The following FBL variants were observed in gnomAD, a reference collection of about 807,000 sequenced individuals.
FBL encodes rRNA 2'-O-methyltransferase fibrillarin.
Under a neutral mutation model 42.2 loss-of-function variants are expected in FBL, and 10 were observed. The ratio of observed to expected loss-of-function variants is 0.24; its 90% confidence interval spans 0.15 to 0.40. FBL has a LOEUF of 0.40. Among genes scored for constraint, FBL ranks in the 10% least tolerant of loss-of-function variants. The pLI, the probability that FBL is intolerant of heterozygous loss-of-function variation, is 1.00. For missense variants in FBL, 351 were observed against 439.2 expected (o/e 0.80, Z 1.79); for synonymous variants, 165 against 165.4 (o/e 1.00, Z 0.02).
At position 39,842,126 on chromosome 19, in the gene FBL, C is replaced by T. The variant is rs144191194; in HGVS notation, c.11-1339G>A. On this transcript the variant is annotated intron_variant, in intron 1 of 8. Coordinates refer to ENST00000221801, the MANE Select transcript of FBL (RefSeq NM_001436.4). ...TTTGAGACGGAGTCTCACTCTGTCA[C>T]CCAGGCTGGAGTGCAGTGACACGAT... Among the ~76,000 whole-genome samples the T allele has an allele frequency of 9.8e-3, 1,485 of 151,212 alleles. 27 individuals are homozygous for T. The highest frequency in any genetic ancestry group is 0.034 in the African/African-American group (1,393 of 41,090).
At position 39,838,797 on chromosome 19, in the gene FBL, G is replaced by A. The variant is rs530737739; in HGVS notation, c.549+238C>T. ...TAGTCTGGTATCTATACTCCCCGTT[G>A]TCTCTCTAAGGTTGGTCACCCCACA... is the stretch of plus-strand genomic sequence containing the variant. On this transcript the variant is annotated intron_variant, in intron 5 of 8. Transcript: ENST00000221801. 228 of 440,788 alleles carry A rather than the reference G, an allele frequency of 5.2e-4. 2 individuals are homozygous for A. Among genetic ancestry groups the A allele is most frequent in the Middle Eastern group, 1.2e-3 (2 of 1,736 alleles). 27.3% of individuals were successfully genotyped at this position (440,788 alleles called of 1,614,324 possible). A position where few individuals can be genotyped will look rare whatever the true frequency, so the allele number is the denominator to read the frequency against.
At position 39,837,850 on chromosome 19, in the gene FBL, T is replaced by TC; in HGVS notation, c.550-8_550-7insG. 6.2e-7 allele frequency: 1 copy of TC among 1,613,034 alleles called. No individual in the cohort carries two copies. Among genetic ancestry groups the TC allele is most frequent in the East Asian group, 2.2e-5 (1 of 44,726 alleles). On this transcript the variant is annotated splice_polypyrimidine_tract_variant and splice_region_variant and intron_variant, in intron 5 of 8. Transcript: ENST00000221801. ...CTGCATAGACTAGACCATCCTAAAA[T>TC]AAATTAAAAATTAATGAACAGTGAT...
rs1449458954 is a variant in FBL at position 39,840,027 on chromosome 19, C to T, written c.378+206G>A. Among the ~76,000 whole-genome samples the T allele has an allele frequency of 6.6e-6, 1 of 152,102 alleles. No homozygotes were observed. Among genetic ancestry groups the T allele is most frequent in the African/African-American group, 2.4e-5 (1 of 41,402 alleles). On this transcript the variant is annotated intron_variant, in intron 4 of 8. Transcript: ENST00000221801. This position sits in a 1 kb window ranked among gnomAD's most constrained non-coding sequence, Gnocchi z 4.5. ...GAGGGGGAACTGGAATGCACAGGGTCTTGGAGGCCTGAGTGAAGACTCAGG... is the reference window on the plus strand; with the variant it reads ...GAGGGGGAACTGGAATGCACAGGGTTTTGGAGGCCTGAGTGAAGACTCAGG...
intron 5 of FBL, 126 bp downstream of exon 5, chr19:39,838,907 GCA>G (rs1294515913): frequency 1.1e-5 from 9 of 800,394 alleles, no homozygotes; most frequent in South Asian, 1.0e-4. Context: ...TTACTCACAG[GCA>G]CAGTGACAGA....
chr19:39,846,335 G>T lies in FBL; in HGVS notation c.-35C>A. ...TGGTTTGTGCGGCTCCGGAGTCCGC[G>T]GCGTTCACAACTCCACGAGTCCGGG... On this transcript the variant is annotated 5_prime_UTR_variant, in exon 1 of 9. Transcript: ENST00000221801. The T allele has an allele frequency of 1.2e-6, 2 of 1,612,298 alleles. No individual in the cohort carries two copies. Among genetic ancestry groups the T allele is most frequent in the East Asian group, 2.2e-5 (1 of 44,758 alleles).
chr19:39,839,228 A>C (rs1301864911), intron 4 of FBL, 23 bp from the exon 5 acceptor site: 1 of 1,594,066 alleles, frequency 6.3e-7, no homozygotes. Context: ...TGGGGACAGA[A>C]GTCAGTGCTA....
chr19:39,837,911 C>T, intron 5 of FBL, 68 bp from the exon 6 acceptor site: 1 of 1,360,418 alleles, frequency 7.4e-7, no homozygotes, highest in Non-Finnish European at 1.0e-6. Context: ...ACTTTAGGCC[C>T]ATACACTATA....
At chr19:39,844,750 C>A (rs1969228036) in intron 1 of FBL, among the ~76,000 whole-genome samples, 2 of 152,292 alleles carry the variant, frequency 1.3e-5, no homozygotes, top group South Asian at 4.1e-4. Context: ...ACTTTTGCCA[C>A]CCTGAGGTCT....
At position 39,838,994 on chromosome 19, in the gene FBL, C is replaced by A; in HGVS notation, c.549+41G>T. The A allele has an allele frequency of 3.2e-6, 5 of 1,555,652 alleles. No homozygotes were observed. In the Admixed American group the frequency reaches 7.3e-5, roughly 23 times the overall value. ...ATATTCCAGGTTGGCAGAAGGGAGGCAGCCTTTACCTCCTGCCTGACTCTC... is the reference window on the plus strand; with the variant it reads ...ATATTCCAGGTTGGCAGAAGGGAGGAAGCCTTTACCTCCTGCCTGACTCTC... On this transcript the variant is annotated intron_variant, in intron 5 of 8. Transcript: ENST00000221801.
chr19:39,841,152 G>A (rs1389418284), intron 1 of FBL, among the ~76,000 whole-genome samples: 2 of 152,222 alleles, frequency 1.3e-5, no homozygotes, highest in South Asian at 2.1e-4. Context: ...GCTCACCGCA[G>A]CCTCGAACTC....
intron 5 of FBL, 32 bp downstream of exon 5, chr19:39,839,003 C>A (rs1011802116): frequency 6.3e-7 from 1 of 1,584,322 alleles, no homozygotes; most frequent in South Asian, 1.2e-5. Context: ...GCAGCCTTTA[C>A]CTCCTGCCTG....
At position 39,837,847 on chromosome 19, in the gene FBL, A is replaced by ATT; in HGVS notation, c.550-5_550-4insAA. 1 of 1,613,166 alleles carries ATT rather than the reference A, an allele frequency of 6.2e-7. No homozygotes were observed. The highest frequency in any genetic ancestry group is 2.2e-5 in the East Asian group (1 of 44,768). On this transcript the variant is annotated splice_polypyrimidine_tract_variant and splice_region_variant and intron_variant, in intron 5 of 8. Coordinates refer to ENST00000221801, the MANE Select transcript of FBL (RefSeq NM_001436.4). ...CGACTGCATAGACTAGACCATCCTA[A>ATT]AATAAATTAAAAATTAATGAACAGT...
chr19:39,834,475 A>C lies in FBL; in HGVS notation c.*63T>G. 3 of 1,590,454 alleles carry C rather than the reference A, an allele frequency of 1.9e-6. No individual in the cohort carries two copies. The highest frequency in any genetic ancestry group is 2.6e-6 in the Non-Finnish European group (3 of 1,159,294). On this transcript the variant is annotated 3_prime_UTR_variant, in exon 9 of 9. Coordinates refer to ENST00000221801, the MANE Select transcript of FBL (RefSeq NM_001436.4). ...ACATGGGAGACGGATGAGTCTTTTA[A>C]TAGAAAAACACACGTGCAACAGTAT...
In FBL at chr19:39,840,966, T is replaced by C. The variant is rs567364073; in HGVS notation, c.11-179A>G. Among the ~76,000 whole-genome samples, 4 of 152,278 alleles carry C rather than the reference T, an allele frequency of 2.6e-5. No homozygotes were observed. Among genetic ancestry groups the C allele is most frequent in the East Asian group, 1.9e-4 (1 of 5,186 alleles). ...GAAGACTAACCCAAATGTCCATCAATAGAATGGGCAAATAAAATAGAAGAC... is the reference window on the plus strand; with the variant it reads ...GAAGACTAACCCAAATGTCCATCAACAGAATGGGCAAATAAAATAGAAGAC... On this transcript the variant is annotated intron_variant, in intron 1 of 8. Transcript: ENST00000221801. The surrounding 1 kb of genome is among the most constrained non-coding windows in gnomAD (Gnocchi z 4.5).
At chr19:39,834,926 G>T in intron 7 of FBL, 113 bp from the exon 8 acceptor site, 1 of 1,078,312 alleles carries the variant, frequency 9.3e-7, no homozygotes, top group Non-Finnish European at 1.3e-6. Context: ...CAGTGCTATG[G>T]TTCTAGTGTG....
chr19:39,839,352 C>T, intron 4 of FBL, 147 bp from the exon 5 acceptor site: 1 of 615,238 alleles, frequency 1.6e-6, no homozygotes, highest in Non-Finnish European at 2.8e-6. Flanking sequence ...CATGCACATG[C>T]AGTCGCTGCC....
chr19:39,837,896 T>C (rs576844790), intron 5 of FBL, 53 bp from the exon 6 acceptor site: 3 of 1,546,490 alleles, frequency 1.9e-6, no homozygotes, highest in South Asian at 2.3e-5. Context: ...ATGCATGGAG[T>C]GCCTACTTTA....
chr19:39,836,514 A>G (rs1969051134), intron 7 of FBL, 42 bp downstream of exon 7: 4 of 1,359,194 alleles, frequency 2.9e-6, no homozygotes, highest in African/African-American at 2.9e-5. Flanking sequence ...ATACCTCCCT[A>G]GAACACTGCC....
chr19:39,838,566 C>T (rs1467038731), intron 5 of FBL: 1 of 154,144 alleles, frequency 6.5e-6, no homozygotes, highest in Non-Finnish European at 1.4e-5. Flanking sequence ...TGGCCAAAGC[C>T]TGAGGTTTTA....
Sources: gnomAD v4.1 joint callset for allele counts (sites outside exome capture counted in the v4.1 genomes callset) on GRCh38, gnomAD v4.1.1 for gene constraint, Gnocchi (gnomAD v3.1) non-coding constraint, MANE v1.5 for transcripts, NCBI Gene and HGNC (gene_info 2026-07-23, HGNC 2026-07-21) for gene names.